Variants in CHKB observed in about 807,000 individuals in gnomAD.
CHKB encodes choline kinase beta.
In CHKB, 45 loss-of-function variants were observed where a neutral mutation model predicts 57.3. The observed-to-expected ratio is 0.79, with a 90% CI of 0.62 to 1.01. CHKB has a LOEUF of 1.01. Ranked by LOEUF, CHKB falls within the 50% of genes least tolerant of loss-of-function variation. CHKB has a pLI of 0.00. For missense variants in CHKB, 517 were observed against 502.8 expected, an observed-to-expected ratio of 1.03 and a Z score of -0.27; for synonymous variants, 224 against 201.8, an observed-to-expected ratio of 1.11 and a Z score of -0.93.
chr22:50,580,170 A>T lies in CHKB; in HGVS notation c.818+20T>A, dbSNP rs1000710213. The T allele has an allele frequency of 6.2e-6, 10 of 1,613,708 alleles. No individual in the cohort carries two copies. Among genetic ancestry groups the T allele is most frequent in the Non-Finnish European group, 8.5e-6 (10 of 1,179,832 alleles). On this transcript the variant is annotated intron_variant, in intron 7 of 10. Coordinates refer to ENST00000406938, the MANE Select transcript of CHKB (RefSeq NM_005198.5). Reference sequence around the variant, plus strand: ...GCCCTATGGGAACAGATCTATGGGAAGCCATCTTTCCAGCCTCACCTATAG... The same window carrying T: ...GCCCTATGGGAACAGATCTATGGGATGCCATCTTTCCAGCCTCACCTATAG...
intron 2 of CHKB, 95 bp downstream of exon 2, chr22:50,582,154 G>C (rs1196397704): frequency 3.5e-6 from 4 of 1,140,372 alleles, no homozygotes; most frequent in Non-Finnish European, 5.1e-6. Flanking sequence ...GTGAACCTCG[G>C]TGTCCTCAAC....
intron 2 of CHKB, 120 bp downstream of exon 2, chr22:50,582,129 G>A: frequency 1.1e-6 from 1 of 933,400 alleles, no homozygotes; most frequent in Admixed American, 2.0e-5. Flanking sequence ...GGTGTAATGA[G>A]GTGTTACTCA....
chr22:50,582,531 C>A (rs370820899), intron 1 of CHKB, 27 bp downstream of exon 1: 267 of 1,592,516 alleles, frequency 1.7e-4, no homozygotes, highest in Middle Eastern at 1.7e-3. Flanking sequence ...ATCCGCGCAC[C>A]GGAGAGGCTG....
Position 50,582,673 on chromosome 22 carries a change from G to A in CHKB, c.109C>T (p.Arg37Cys). The change falls in exon 1 of 11, where the codon CGC becomes TGC. Residue 37 changes from arginine to cysteine, a missense_variant. Transcript: ENST00000406938. ...KCPDTTPKRR[R>C]ASSLSRDAER... ...GCGTCACGCGACAGCGACGAGGCGC[G>A]CCGCCGTTTTGGGGTAGTGTCCGGG... is the stretch of plus-strand genomic sequence containing the variant. The A allele has an allele frequency of 6.2e-7, 1 of 1,609,614 alleles. No individual in the cohort carries two copies. The highest frequency in any genetic ancestry group is 8.5e-7 in the Non-Finnish European group (1 of 1,178,980).
In CHKB at chr22:50,581,487, C is replaced by G; in HGVS notation, c.514G>C (p.Ala172Pro). The G allele has an allele frequency of 6.2e-7, 1 of 1,613,946 alleles. No individual in the cohort carries two copies. Among genetic ancestry groups the G allele is most frequent in the Non-Finnish European group, 8.5e-7 (1 of 1,180,030 alleles). Residue 172 changes from alanine (A) to proline (P), a missense_variant, in exon 4 of 11, where the codon GCG becomes CCG. Coordinates refer to ENST00000406938, the MANE Select transcript of CHKB (RefSeq NM_005198.5). ...GGCATCTCCATGCCATGAAATTGCG[C>G]CATCTTCGTGGCAATGGCTGCTGAC... is the stretch of plus-strand genomic sequence containing the variant. ...VLSAAIATKMAQFHGMEMPFT... is the reference protein window; with the variant it reads ...VLSAAIATKMPQFHGMEMPFT...
Position 50,582,374 on chromosome 22 carries a change from G to C in CHKB, c.225-17C>G, listed in dbSNP as rs907355659. The C allele has an allele frequency of 3.9e-6, 6 of 1,538,302 alleles. No individual in the cohort carries two copies. The highest frequency in any genetic ancestry group is 5.3e-6 in the Non-Finnish European group (6 of 1,142,246). ...AGGCCTCCGCTGCAGACCCACACCA[G>C]GCGCGCTCAGCCCGCGGCCGGCCCT... On this transcript the variant is annotated splice_polypyrimidine_tract_variant and intron_variant, in intron 1 of 10. Coordinates refer to ENST00000406938, the MANE Select transcript of CHKB (RefSeq NM_005198.5).
rs140514 is a variant in CHKB at position 50,580,150 on chromosome 22, A to G, written c.818+40T>C. ...CAGCTGGCCTGTTTTCAAGAGCCCT[A>G]TGGGAACAGATCTATGGGAAGCCAT... is the stretch of plus-strand genomic sequence containing the variant. On this transcript the variant is annotated intron_variant, in intron 7 of 10. Transcript: ENST00000406938. 0.46 allele frequency: 744,254 copies of G among 1,612,786 alleles called. 177,190 individuals carry two copies. The highest frequency in any genetic ancestry group is 0.49 in the Non-Finnish European group (575,137 of 1,179,162).
chr22:50,579,415 G>A lies in CHKB; in HGVS notation c.1113+11C>T. On this transcript the variant is annotated intron_variant, in intron 10 of 10. Transcript: ENST00000406938. ...CCCCCAGCTAGCATTCCCATCCCCAGGGTCACTTACCAAGTAACCAAATTC... is the reference window on the plus strand; with the variant it reads ...CCCCCAGCTAGCATTCCCATCCCCAAGGTCACTTACCAAGTAACCAAATTC... 2 of 1,610,626 alleles carry A rather than the reference G, an allele frequency of 1.2e-6. No individual in the cohort carries two copies. The highest frequency in any genetic ancestry group is 2.2e-5 in the South Asian group (2 of 90,612).
Position 50,582,791 on chromosome 22 carries a change from T to TCGACCGGGCC in CHKB, c.-20_-11dup. On this transcript the variant is annotated 5_prime_UTR_variant, in exon 1 of 11. Coordinates refer to ENST00000406938, the MANE Select transcript of CHKB (RefSeq NM_005198.5). ...TCGCCTCGGCCGCCATGGCGCGGGC[T>TCGACCGGGCC]CGACCGGGCCCCAGGCCAGGCTGCG... The TCGACCGGGCC allele has an allele frequency of 6.4e-7, 1 of 1,556,132 alleles. No individual in the cohort carries two copies. The highest frequency in any genetic ancestry group is 8.7e-7 in the Non-Finnish European group (1 of 1,152,586).
chr22:50,582,411 C>A (rs1056451549), intron 1 of CHKB, 54 bp from the exon 2 acceptor site: 10 of 1,484,892 alleles, frequency 6.7e-6, no homozygotes, highest in Admixed American at 2.1e-5. Context: ...CCTGCCGCGG[C>A]CCCGGCCCCC....
At chr22:50,582,416 G>T in intron 1 of CHKB, 59 bp from the exon 2 acceptor site, 1 of 1,482,182 alleles carries the variant, frequency 6.7e-7, no homozygotes, top group Non-Finnish European at 9.0e-7. Context: ...CGCGGCCCCG[G>T]CCCCCTCCCG....
At chr22:50,580,323 A>G (rs1259294885) in intron 6 of CHKB, 35 bp downstream of exon 6, 2 of 1,613,786 alleles carry the variant, frequency 1.2e-6, no homozygotes, top group Admixed American at 1.7e-5. Context: ...TGGCTCTTCC[A>G]TCTTGGGTTA....
chr22:50,579,034 A>G lies in CHKB; in HGVS notation c.*147T>C, dbSNP rs2070607607. 7 of 767,740 alleles carry G rather than the reference A, an allele frequency of 9.1e-6. No individual in the cohort carries two copies. The East Asian group carries it at 1.1e-4, about 12-fold the overall frequency. 47.6% of individuals were successfully genotyped at this position (767,740 alleles called of 1,614,324 possible). A position where few individuals can be genotyped will look rare whatever the true frequency, so the allele number is the denominator to read the frequency against. On this transcript the variant is annotated 3_prime_UTR_variant, in exon 11 of 11. Transcript: ENST00000406938. ...TCTGGCCTGCCAGCCATGGGGACCTACTCAAACTCAGGAACAGGCCGGTCT... is the reference window on the plus strand; with the variant it reads ...TCTGGCCTGCCAGCCATGGGGACCTGCTCAAACTCAGGAACAGGCCGGTCT...
rs1056964 is a variant in CHKB at position 50,579,047 on chromosome 22, A to G, written c.*134T>C. 0.09 allele frequency: 76,050 copies of G among 847,002 alleles called. 6,122 individuals are homozygous for G. Among genetic ancestry groups the G allele is most frequent in the East Asian group, 0.38 (14,364 of 37,622 alleles). The allele number at this position is 847,002 out of a possible 1,614,324, so 52.5% of individuals were successfully genotyped here. A position where few individuals can be genotyped will look rare whatever the true frequency, so the allele number is the denominator to read the frequency against. Reference sequence around the variant, plus strand: ...CCATGGGGACCTACTCAAACTCAGGAACAGGCCGGTCTCCTGAACCTCAGT... The same window carrying G: ...CCATGGGGACCTACTCAAACTCAGGGACAGGCCGGTCTCCTGAACCTCAGT... On this transcript the variant is annotated 3_prime_UTR_variant, in exon 11 of 11. Coordinates refer to ENST00000406938, the MANE Select transcript of CHKB (RefSeq NM_005198.5).
chr22:50,581,654 T>G (rs1464780074), intron 3 of CHKB, 95 bp downstream of exon 3: 1 of 1,585,116 alleles, frequency 6.3e-7, no homozygotes, highest in Non-Finnish European at 8.7e-7. Context: ...AATTCCCTAC[T>G]TGGGGTGAGG....
Position 50,582,380 on chromosome 22 carries a change from C to A in CHKB, c.225-23G>T. 3 of 1,533,684 alleles carry A rather than the reference C, an allele frequency of 2.0e-6. No individual in the cohort carries two copies. In the South Asian group the frequency reaches 3.6e-5, roughly 18 times the overall value. On this transcript the variant is annotated intron_variant, in intron 1 of 10. Coordinates refer to ENST00000406938, the MANE Select transcript of CHKB (RefSeq NM_005198.5). ...CCGCTGCAGACCCACACCAGGCGCG[C>A]TCAGCCCGCGGCCGGCCCTACCTGC...
chr22:50,582,703 T>TA lies in CHKB; in HGVS notation c.78dup (p.Lys27Ter). ...CGTTTTGGGGTAGTGTCCGGGCACT[T>TA]AGACTGCTGCAAGCCGTCTTTGGCC... is the stretch of plus-strand genomic sequence containing the variant. On this transcript the variant is annotated frameshift_variant, in exon 1 of 11. Coordinates refer to ENST00000406938, the MANE Select transcript of CHKB (RefSeq NM_005198.5). LOFTEE classifies it high-confidence loss of function. 1 of 1,609,930 alleles carries TA rather than the reference T, an allele frequency of 6.2e-7. No individual in the cohort carries two copies. The highest frequency in any genetic ancestry group is 8.5e-7 in the Non-Finnish European group (1 of 1,178,962).
rs773203764 is a variant in CHKB at position 50,579,718 on chromosome 22, C to T, written c.1031+9G>A. 115 of 1,611,790 alleles carry T rather than the reference C, an allele frequency of 7.1e-5. No individual in the cohort carries two copies. The highest frequency in any genetic ancestry group is 9.3e-5 in the Non-Finnish European group (110 of 1,178,028). Reference sequence around the variant, plus strand: ...TCTGCCCTACCCCACCCTGCCCCTCCTTCCTCACCGACTGACTTCTACCAG... The same window carrying T: ...TCTGCCCTACCCCACCCTGCCCCTCTTTCCTCACCGACTGACTTCTACCAG... On this transcript the variant is annotated intron_variant, in intron 9 of 10. Transcript: ENST00000406938.
At chr22:50,579,358 C>CT in intron 10 of CHKB, 68 bp downstream of exon 10, 1 of 1,586,968 alleles carries the variant, frequency 6.3e-7, no homozygotes, top group Non-Finnish European at 8.6e-7. Flanking sequence ...CCCAGGCCTC[C>CT]TGGAAGAGTG....
Sources: allele counts gnomAD v4.1 joint callset, GRCh38; gene constraint gnomAD v4.1.1; transcripts MANE v1.5; gene names NCBI Gene and HGNC (gene_info 2026-07-23, HGNC 2026-07-21).